Variants in VCAN observed in about 807,000 individuals in gnomAD.
VCAN encodes the protein versican.
A neutral mutation model predicts 245.5 loss-of-function variants in VCAN; 44 were observed. The observed-to-expected ratio is 0.18, with a 90% confidence interval of 0.14 to 0.23. VCAN has a LOEUF of 0.23. VCAN is among the 10% of genes least tolerant of loss of function. VCAN has a pLI of 1.00. For missense variants in VCAN, 3,793 were observed against 4,057.9 expected, an observed-to-expected ratio of 0.93 and a Z score of 1.77; for synonymous variants, 1,413 against 1,437.0, an observed-to-expected ratio of 0.98 and a Z score of 0.38.
At chr5:83,480,017 C>T (rs554686982) in intron 1 of VCAN, among the ~76,000 whole-genome samples, 103 of 152,266 alleles carry the variant, frequency 6.8e-4, no homozygotes, top group African/African-American at 2.3e-3. Flanking sequence ...GGTTAATGCT[C>T]ATGATCAGCC....
chr5:83,565,758 A>T (rs910912902), intron 12 of VCAN, among the ~76,000 whole-genome samples: 3 of 152,118 alleles, frequency 2.0e-5, no homozygotes, highest in African/African-American at 7.2e-5. Context: ...TTTTGCTCAT[A>T]GATGAATTTG....
chr5:83,471,962 A>T lies in VCAN; in HGVS notation c.-68A>T. The T allele has an allele frequency of 5.1e-6, 2 of 390,796 alleles. No homozygotes were observed. Among genetic ancestry groups the T allele is most frequent in the Non-Finnish European group, 4.5e-6 (1 of 221,664 alleles). 24.2% of individuals were successfully genotyped at this position (390,796 alleles called of 1,614,324 possible). On this transcript the variant is annotated 5_prime_UTR_variant, in exon 1 of 15. Transcript: ENST00000265077. ...TATGTGACCCGCCTGGGCAACGCCG[A>T]ACCCAGTCGCGCAGCGCTGCAGTGA...
In VCAN at chr5:83,537,080, A is replaced by C; in HGVS notation, c.4077A>C (p.Glu1359Asp). 6.2e-7 allele frequency: 1 copy of C among 1,613,796 alleles called. No individual in the cohort carries two copies. Among genetic ancestry groups the C allele is most frequent in the Non-Finnish European group, 8.5e-7 (1 of 1,179,818 alleles). Residue 1359 changes from glutamate (E) to aspartate (D), a missense_variant, in exon 8 of 15, where the codon GAA becomes GAC. This residue lies in a region of VCAN where 3,182 missense variants were observed against 3,250.3 expected (regional missense o/e 0.98). Transcript: ENST00000265077. ...SESKEDEPCS[E>D]ETDPVHDLMA... ...CTAAAGAAGATGAACCTTGTAGTGA[A>C]GAAACAGATCCAGTGCATGATCTAA...
At chr5:83,509,783 C>T (rs1165364862) in intron 5 of VCAN, among the ~76,000 whole-genome samples, 1 of 152,170 alleles carries the variant, frequency 6.6e-6, no homozygotes, top group African/African-American at 2.4e-5. Flanking sequence ...GTGAAGGAGG[C>T]TGTTCAGGAT....
At position 83,521,418 on chromosome 5, in the gene VCAN, A is replaced by C; in HGVS notation, c.3112A>C (p.Lys1038Gln). 6.2e-7 allele frequency: 1 copy of C among 1,614,148 alleles called. No homozygotes were observed. The highest frequency in any genetic ancestry group is 1.3e-5 in the African/African-American group (1 of 75,064). ...AACAACTCAGGAAGAATTCCCTTGG[A>C]AAGAACAGACTGCAGAGAAACCAGT... ...EGTTQEEFPW[K>Q]EQTAEKPVPA... is the part of the protein sequence containing the mutation. The change falls in exon 7 of 15, where the codon AAA becomes CAA. Residue 1038 changes from lysine (K) to glutamine (Q), a missense_variant. Around this residue, in one of 5 missense-constraint regions of VCAN, gnomAD observed 3,182 missense variants for 3,250.3 expected, o/e 0.98. Coordinates refer to ENST00000265077, the MANE Select transcript of VCAN (RefSeq NM_004385.5).
At chr5:83,524,204 T>C (rs376143500) in intron 7 of VCAN, among the ~76,000 whole-genome samples, 2 of 152,166 alleles carry the variant, frequency 1.3e-5, no homozygotes, top group East Asian at 1.9e-4. Context: ...AAATGGTTGC[T>C]GGAAGTGGAG....
intron 6 of VCAN, among the ~76,000 whole-genome samples, chr5:83,516,488 A>G (rs1227073730): frequency 6.6e-6 from 1 of 152,244 alleles, no homozygotes; most frequent in Admixed American, 6.5e-5. Flanking sequence ...TTTAAGTTTT[A>G]TTAGGAAAAT....
chr5:83,530,729 C>G (rs1746485669), intron 7 of VCAN, among the ~76,000 whole-genome samples: 1 of 151,812 alleles, frequency 6.6e-6, no homozygotes, highest in Non-Finnish European at 1.5e-5. Flanking sequence ...AGAATGGGGC[C>G]CAGGTTGGTG....
chr5:83,503,356 T>A (rs775925516), intron 5 of VCAN, among the ~76,000 whole-genome samples: 1 of 152,224 alleles, frequency 6.6e-6, no homozygotes, highest in Non-Finnish European at 1.5e-5. Context: ...GATTTTATCG[T>A]ATGGGTATTT....
chr5:83,537,221 A>G lies in VCAN; in HGVS notation c.4218A>G (p.Pro1406=), dbSNP rs1317491139. 1.2e-6 allele frequency: 2 copies of G among 1,613,792 alleles called. No individual in the cohort carries two copies. The highest frequency in any genetic ancestry group is 1.7e-6 in the Non-Finnish European group (2 of 1,179,916). ...CANATDVTTT[P]SVQYINGKHL... is the part of the protein sequence containing the mutation. ...ATGCTACTGATGTGACAACCACCCC[A>G]TCTGTGCAGTACATAAATGGGAAGC... The change falls in exon 8 of 15, where the codon CCA becomes CCG. Residue 1406 remains proline, a synonymous_variant. Transcript: ENST00000265077.
At chr5:83,503,625 G>C (rs1375218962) in intron 5 of VCAN, among the ~76,000 whole-genome samples, 1 of 152,170 alleles carries the variant, frequency 6.6e-6, no homozygotes, top group Admixed American at 6.5e-5. Flanking sequence ...CAGTATAGTA[G>C]AGCTATAAGC....
chr5:83,501,102 ATCT>A (rs1238717343), intron 5 of VCAN, among the ~76,000 whole-genome samples: 1 of 152,150 alleles, frequency 6.6e-6, no homozygotes, highest in Non-Finnish European at 1.5e-5. Context: ...TTATTTATCA[ATCT>A]TCTTGGTAGA....
In VCAN at chr5:83,539,681, A is replaced by T. The variant is rs1746885748; in HGVS notation, c.6678A>T (p.Pro2226=). 6.2e-7 allele frequency: 1 copy of T among 1,613,852 alleles called. No individual in the cohort carries two copies. Among genetic ancestry groups the T allele is most frequent in the African/African-American group, 1.3e-5 (1 of 75,042 alleles). ...CTGAACATGTAGTCACAGATTCACC[A>T]ATCAAAAAGGAAGAAAGTACAAAAC... ...IPAEHVVTDS[P]IKKEESTKHF... Residue 2226 remains proline, a synonymous_variant, in exon 8 of 15, where the codon CCA becomes CCT. Transcript: ENST00000265077.
intron 2 of VCAN, among the ~76,000 whole-genome samples, chr5:83,485,753 G>A (rs376832943): frequency 2.6e-5 from 4 of 152,046 alleles, no homozygotes; most frequent in Admixed American, 6.6e-5. Context: ...TGACTCCTGG[G>A]ATGGCTCTCT....
At chr5:83,553,079 A>G (rs534080257) in intron 10 of VCAN, among the ~76,000 whole-genome samples, 5 of 152,214 alleles carry the variant, frequency 3.3e-5, no homozygotes, top group Non-Finnish European at 7.3e-5. Flanking sequence ...TAGCAGCCCA[A>G]GAGATTTTGG....
chr5:83,529,025 CAT>C (rs1491551535), intron 7 of VCAN, among the ~76,000 whole-genome samples: 4 of 150,102 alleles, frequency 2.7e-5, no homozygotes, highest in Non-Finnish European at 4.4e-5. Flanking sequence ...CACACACACA[CAT>C]ATATGTATAC....
chr5:83,498,184 T>C (rs1463982891), intron 5 of VCAN, among the ~76,000 whole-genome samples: 1 of 152,186 alleles, frequency 6.6e-6, no homozygotes, highest in Non-Finnish European at 1.5e-5. Flanking sequence ...GTGGGCACTC[T>C]CTTTCATCTC....
intron 12 of VCAN, among the ~76,000 whole-genome samples, chr5:83,566,123 A>AT (rs1443573196): frequency 2.6e-5 from 4 of 151,446 alleles, no homozygotes; most frequent in Non-Finnish European, 5.9e-5. Context: ...TGCCTGGCCA[A>AT]TTTTTTTTAT....
At chr5:83,533,329 A>C (rs1266737899) in intron 7 of VCAN, among the ~76,000 whole-genome samples, 1 of 152,170 alleles carries the variant, frequency 6.6e-6, no homozygotes, top group Non-Finnish European at 1.5e-5. Context: ...CAATAAGTAC[A>C]TTCCAAAAGT....
Sources: allele counts gnomAD v4.1 joint callset (sites outside exome capture counted in the v4.1 genomes callset), GRCh38; gene constraint gnomAD v4.1.1; regional missense constraint gnomAD v4.1.1; transcripts MANE v1.5; gene names NCBI Gene and HGNC (gene_info 2026-07-23, HGNC 2026-07-21).